Variants in UBE2W observed in about 807,000 individuals in gnomAD.
UBE2W encodes ubiquitin conjugating enzyme E2 W.
A neutral mutation model predicts 27.2 loss-of-function variants in UBE2W; 18 were observed. That is an observed-to-expected ratio of 0.66 (90% confidence interval 0.46 to 0.98). The LOEUF (loss-of-function observed/expected upper bound fraction) is 0.98. Ranked by LOEUF, UBE2W falls within the 50% of genes least tolerant of loss-of-function variation. UBE2W has a pLI of 0.00. For synonymous variants in UBE2W, 53 were observed against 57.2 expected, an observed-to-expected ratio of 0.93 and a Z score of 0.33; for missense variants, 90 against 180.2, an observed-to-expected ratio of 0.50 and a Z score of 2.87.
Position 73,786,913 on chromosome 8 carries a change from C to T in UBE2W, c.*7189G>A. On this transcript the variant is annotated 3_prime_UTR_variant, in exon 6 of 6. Transcript: ENST00000602593. ...ATATGTTTTCATTGAGGTATGGAAA[C>T]ATAAAATTTTAATGTTGAATTGGCT... 3.0e-6 allele frequency: 3 copies of T among 985,278 alleles called. No homozygotes were observed. Among genetic ancestry groups the T allele is most frequent in the South Asian group, 9.4e-5 (2 of 21,278 alleles). 61.0% of individuals were successfully genotyped at this position (985,278 alleles called of 1,614,324 possible).
intron 1 of UBE2W, among the ~76,000 whole-genome samples, chr8:73,876,758 C>T (rs1812241908): frequency 6.6e-6 from 1 of 152,126 alleles, no homozygotes; most frequent in African/African-American, 2.4e-5. Flanking sequence ...CACCTGAGTT[C>T]GGGAGTTCAA....
At chr8:73,853,716 C>A in intron 1 of UBE2W, among the ~76,000 whole-genome samples, 1 of 151,966 alleles carries the variant, frequency 6.6e-6, no homozygotes, top group Middle Eastern at 3.2e-3. Flanking sequence ...CTGGCAGATA[C>A]AACTATTTTC....
At chr8:73,821,145 G>A (rs1216762354) in intron 3 of UBE2W, among the ~76,000 whole-genome samples, 2 of 152,120 alleles carry the variant, frequency 1.3e-5, no homozygotes, top group South Asian at 2.1e-4. Flanking sequence ...GTATGGCAAA[G>A]GAGGAAAGGA....
intron 3 of UBE2W, among the ~76,000 whole-genome samples, chr8:73,815,832 C>T (rs1168861971): frequency 6.6e-6 from 1 of 152,064 alleles, no homozygotes; most frequent in Non-Finnish European, 1.5e-5. Flanking sequence ...TTTCCAGGGA[C>T]AGTATGAGGA....
chr8:73,820,784 A>C (rs540889453), intron 3 of UBE2W, among the ~76,000 whole-genome samples: 1 of 137,800 alleles, frequency 7.3e-6, no homozygotes, highest in South Asian at 2.4e-4. Context: ...AACAAACAAA[A>C]AAACAAAATA....
intron 3 of UBE2W, 103 bp from the exon 4 acceptor site, chr8:73,810,732 C>G: frequency 2.2e-6 from 2 of 912,178 alleles, no homozygotes; most frequent in Non-Finnish European, 3.0e-6. Context: ...AAACAAAAAA[C>G]CACCAAAATC....
Position 73,857,840 on chromosome 8 carries a change from TA to T in UBE2W, c.15+20967del, listed in dbSNP as rs1486081807. 4.6e-5 allele frequency among the ~76,000 whole-genome samples: 7 copies of T among 151,558 alleles called. No homozygotes were observed. The South Asian group carries it at 1.5e-3, about 32-fold the overall frequency. ...CTTAAAAAATAATGATAAATAAAAA[TA>T]AAAATAAAAAAACCTTTTGCTTCAA... On this transcript the variant is annotated intron_variant, in intron 1 of 5. Coordinates refer to ENST00000602593, the MANE Select transcript of UBE2W (RefSeq NM_018299.6).
At chr8:73,781,928 CCTTTTTTTTTTTT>C, downstream of UBE2W, among the ~76,000 whole-genome samples, 1 of 113,908 alleles carries the variant, frequency 8.8e-6, no homozygotes, top group African/African-American at 3.5e-5. Flanking sequence ...CTAAAAGCCT[CCTTTTTTTTTTTT>C]TTTTTTTTTT....
intron 1 of UBE2W, among the ~76,000 whole-genome samples, chr8:73,873,437 T>C (rs2130998259): frequency 6.6e-6 from 1 of 152,228 alleles, no homozygotes; most frequent in South Asian, 2.1e-4. Flanking sequence ...GGTGGGCCGA[T>C]GGCTGAGTCC....
chr8:73,795,647 A>G (rs968509554), intron 5 of UBE2W: 1 of 381,902 alleles, frequency 2.6e-6, no homozygotes, highest in African/African-American at 2.2e-5. Context: ...AAACTCATAG[A>G]GTATTCCATG....
intron 1 of UBE2W, among the ~76,000 whole-genome samples, chr8:73,859,219 T>G (rs1162972022): frequency 6.6e-6 from 1 of 152,098 alleles, no homozygotes; most frequent in African/African-American, 2.4e-5. Flanking sequence ...AAGATTTTTG[T>G]GACTAGCTGG....
At chr8:73,807,931 T>C (rs1042792589) in intron 4 of UBE2W, among the ~76,000 whole-genome samples, 1 of 152,184 alleles carries the variant, frequency 6.6e-6, no homozygotes. Flanking sequence ...GTAAATATAT[T>C]ACAAAGGCAT....
rs1372221256 is a variant in UBE2W at position 73,789,775 on chromosome 8, T to C, written c.*4327A>G. On this transcript the variant is annotated 3_prime_UTR_variant, in exon 6 of 6. Transcript: ENST00000602593. Reference sequence around the variant, plus strand: ...ATCGCTTAGACCCAGGAGGTGGAGATTGAAATGAGCCAAGATCGTGCACTG... The same window carrying C: ...ATCGCTTAGACCCAGGAGGTGGAGACTGAAATGAGCCAAGATCGTGCACTG... 4.6e-6 allele frequency: 2 copies of C among 434,898 alleles called. No individual in the cohort carries two copies. Among genetic ancestry groups the C allele is most frequent in the Non-Finnish European group, 6.1e-6 (2 of 327,258 alleles). 26.9% of individuals were successfully genotyped at this position (434,898 alleles called of 1,614,324 possible).
Position 73,803,968 on chromosome 8 carries a change from G to A in UBE2W, c.442+1683C>T, listed in dbSNP as rs556302112. On this transcript the variant is annotated intron_variant, in intron 5 of 5. Transcript: ENST00000602593. ...TTTTTAGTAGAGACAGGGTTTCACCGTGTTAGCCAGGATGGTCTCAATCTC... is the reference window on the plus strand; with the variant it reads ...TTTTTAGTAGAGACAGGGTTTCACCATGTTAGCCAGGATGGTCTCAATCTC... Among the ~76,000 whole-genome samples, 748 of 150,408 alleles carry A rather than the reference G, an allele frequency of 5.0e-3. 7 individuals are homozygous for A. Among genetic ancestry groups the A allele is most frequent in the Non-Finnish European group, 2.5e-3 (171 of 67,522 alleles).
intron 5 of UBE2W, among the ~76,000 whole-genome samples, chr8:73,803,139 C>T (rs1445716001): frequency 6.6e-6 from 1 of 152,128 alleles, no homozygotes; most frequent in African/African-American, 2.4e-5. Flanking sequence ...TTGCTTGAAC[C>T]CAGGAGGCAG....
chr8:73,795,024 AATTT>A (rs1808356948), intron 5 of UBE2W, among the ~76,000 whole-genome samples: 1 of 152,130 alleles, frequency 6.6e-6, no homozygotes, highest in African/African-American at 2.4e-5. Context: ...TATTTTACAA[AATTT>A]ATTTCACAAA....
chr8:73,870,181 G>C (rs1215219595), intron 1 of UBE2W: 2 of 1,351,726 alleles, frequency 1.5e-6, no homozygotes, highest in African/African-American at 2.9e-5. Context: ...TGCATTAAAA[G>C]GATGTCAAAA....
chr8:73,864,988 C>T (rs945676715), intron 1 of UBE2W, among the ~76,000 whole-genome samples: 2 of 151,840 alleles, frequency 1.3e-5, no homozygotes, highest in Non-Finnish European at 2.9e-5. Flanking sequence ...CTCCAAAAGG[C>T]ACAGCACAGC....
chr8:73,822,207 G>A (rs957168422), intron 3 of UBE2W, among the ~76,000 whole-genome samples: 3 of 152,052 alleles, frequency 2.0e-5, no homozygotes, highest in Non-Finnish European at 4.4e-5. Context: ...CCAATTCAGC[G>A]GGAAGCAGTT....
Sources: allele counts gnomAD v4.1 joint callset (sites outside exome capture counted in the v4.1 genomes callset), GRCh38; gene constraint gnomAD v4.1.1; transcripts MANE v1.5; gene names NCBI Gene and HGNC (gene_info 2026-07-23, HGNC 2026-07-21).